The following GALNTL6 variants were observed in gnomAD, a reference collection of about 807,000 sequenced individuals.
The protein encoded by GALNTL6 is polypeptide N-acetylgalactosaminyltransferase like 6, also known as polypeptide N-acetylgalactosaminyltransferase-like 6.
A neutral mutation model predicts 73.7 loss-of-function variants in GALNTL6; 46 were observed. The ratio of observed to expected loss-of-function variants is 0.62; its 90% CI spans 0.49 to 0.80. GALNTL6 has a LOEUF of 0.80. Among genes scored for constraint, GALNTL6 ranks in the 30% least tolerant of loss-of-function variants. The probability of loss-of-function intolerance (pLI) is 0.00; values close to 1 mark genes in which losing one functional copy is unlikely to be tolerated. For synonymous variants in GALNTL6, 259 were observed against 263.7 expected, an observed-to-expected ratio of 0.98 and a Z score of 0.17; for missense variants, 604 against 755.0, an observed-to-expected ratio of 0.80 and a Z score of 2.34.
intron 5 of GALNTL6, among the ~76,000 whole-genome samples, chr4:172,370,750 T>C (rs1742776315): frequency 6.6e-6 from 1 of 152,032 alleles, no homozygotes. Flanking sequence ...AACAACACTC[T>C]TCCCCTAAGA....
In GALNTL6 at chr4:172,483,692, G is replaced by A. The variant is rs550916193; in HGVS notation, c.553+135003G>A. ...AAGTCTTGAGTGAAATGACGGCAGTGACTGAAAAGAGAAGGAAGGATGTAA... is the reference window on the plus strand; with the variant it reads ...AAGTCTTGAGTGAAATGACGGCAGTAACTGAAAAGAGAAGGAAGGATGTAA... On this transcript the variant is annotated intron_variant, in intron 5 of 12. Coordinates refer to ENST00000506823, the MANE Select transcript of GALNTL6 (RefSeq NM_001034845.3). Among the ~76,000 whole-genome samples, 4 of 152,242 alleles carry A rather than the reference G, an allele frequency of 2.6e-5. No individual in the cohort carries two copies. The East Asian group carries it at 7.7e-4, about 29-fold the overall frequency.
At chr4:172,909,535 T>C in intron 8 of GALNTL6, among the ~76,000 whole-genome samples, 1 of 152,074 alleles carries the variant, frequency 6.6e-6, no homozygotes, top group East Asian at 1.9e-4. Context: ...CCATTGAAAG[T>C]TATTGATTCT....
chr4:172,323,819 A>C (rs573888853), intron 4 of GALNTL6, among the ~76,000 whole-genome samples: 1 of 152,208 alleles, frequency 6.6e-6, no homozygotes, highest in South Asian at 2.1e-4. Flanking sequence ...ATGGAGTCTA[A>C]GTTGCTGGCA....
At chr4:172,504,175 A>AAAAAAAAAAAAAAAAC (rs1363544210) in intron 5 of GALNTL6, among the ~76,000 whole-genome samples, 11 of 39,310 alleles carry the variant, frequency 2.8e-4, no homozygotes, top group African/African-American at 8.5e-4. Context: ...AAAAAAAAAA[A>AAAAAAAAAAAAAAAAC]AAAACTCACA....
chr4:172,899,755 G>T (rs1406307682), intron 8 of GALNTL6, among the ~76,000 whole-genome samples: 3 of 152,200 alleles, frequency 2.0e-5, no homozygotes, highest in Non-Finnish European at 2.9e-5. Flanking sequence ...CCCAAGGTCT[G>T]CTGGTTGCCC....
At chr4:172,818,087 C>T (rs1227229583) in intron 7 of GALNTL6, among the ~76,000 whole-genome samples, 1 of 152,156 alleles carries the variant, frequency 6.6e-6, no homozygotes, top group Non-Finnish European at 1.5e-5. Context: ...TGTAAAAGTT[C>T]ACACTCGTTG....
chr4:172,764,138 A>C (rs971535108), intron 5 of GALNTL6, among the ~76,000 whole-genome samples: 3 of 151,422 alleles, frequency 2.0e-5, no homozygotes, highest in Non-Finnish European at 4.4e-5. Flanking sequence ...TTGTATTTTT[A>C]GTAGAGATGG....
chr4:172,833,361 T>G (rs913983008), intron 7 of GALNTL6, among the ~76,000 whole-genome samples: 17 of 152,116 alleles, frequency 1.1e-4, no homozygotes, highest in African/African-American at 3.9e-4. Context: ...CTGCTGTGAG[T>G]GGATGCCAAA....
In GALNTL6 at chr4:172,772,204, A is replaced by G. The variant is rs1047758593; in HGVS notation, c.554-37157A>G. On this transcript the variant is annotated intron_variant, in intron 5 of 12. Coordinates refer to ENST00000506823, the MANE Select transcript of GALNTL6 (RefSeq NM_001034845.3). ...CCTCCCATCGGGTCCCTCCCACAACATGTGGGAATTCAAAATGAGATTTGT... is the reference window on the plus strand; with the variant it reads ...CCTCCCATCGGGTCCCTCCCACAACGTGTGGGAATTCAAAATGAGATTTGT... Among the ~76,000 whole-genome samples, 2 of 152,178 alleles carry G rather than the reference A, an allele frequency of 1.3e-5. 1 individual carries two copies. The highest frequency in any genetic ancestry group is 2.9e-5 in the Non-Finnish European group (2 of 68,032).
chr4:172,376,973 C>T lies in GALNTL6; in HGVS notation c.553+28284C>T, dbSNP rs1743055692. Among the ~76,000 whole-genome samples, 4 of 152,058 alleles carry T rather than the reference C, an allele frequency of 2.6e-5. No individual in the cohort carries two copies. The South Asian group carries it at 8.3e-4, about 32-fold the overall frequency. ...GAGACCTTCGTGGTGAGTGTTACAGCTCATAAAGGCAGCGCAGACCAAAAG... is the reference window on the plus strand; with the variant it reads ...GAGACCTTCGTGGTGAGTGTTACAGTTCATAAAGGCAGCGCAGACCAAAAG... On this transcript the variant is annotated intron_variant, in intron 5 of 12. Coordinates refer to ENST00000506823, the MANE Select transcript of GALNTL6 (RefSeq NM_001034845.3).
intron 4 of GALNTL6, among the ~76,000 whole-genome samples, chr4:172,331,654 A>C (rs1397586193): frequency 6.6e-6 from 1 of 152,166 alleles, no homozygotes; most frequent in Non-Finnish European, 1.5e-5. Flanking sequence ...AGACTGGCTT[A>C]TTTAACTTGG....
chr4:172,916,639 C>T (rs544957024), intron 8 of GALNTL6, among the ~76,000 whole-genome samples: 67 of 152,224 alleles, frequency 4.4e-4, no homozygotes, highest in African/African-American at 1.6e-3. Context: ...AGTGAACTCC[C>T]ATTCACAATT....
At chr4:172,022,768 G>T (rs1741444791) in intron 2 of GALNTL6, among the ~76,000 whole-genome samples, 4 of 151,836 alleles carry the variant, frequency 2.6e-5, no homozygotes, top group Admixed American at 2.6e-4. Context: ...TCTAGTCACA[G>T]GCTGCTAAGC....
chr4:171,863,465 T>G (rs902931123), intron 2 of GALNTL6, among the ~76,000 whole-genome samples: 24 of 152,204 alleles, frequency 1.6e-4, no homozygotes, highest in African/African-American at 5.5e-4. Context: ...CTACCCTGTT[T>G]TCTTTAAAAT....
At chr4:172,529,285 G>A (rs553074809) in intron 5 of GALNTL6, among the ~76,000 whole-genome samples, 3 of 151,762 alleles carry the variant, frequency 2.0e-5, no homozygotes, top group African/African-American at 7.2e-5. Context: ...CATTTTACTG[G>A]TTTAATTTAG....
chr4:172,577,406 A>C lies in GALNTL6; in HGVS notation c.553+228717A>C, dbSNP rs76404446. Reference sequence around the variant, plus strand: ...TGTGTCCAGAGTACCAACCTGTTTTATACAAATTTATTTATATTTCCAGAA... The same window carrying C: ...TGTGTCCAGAGTACCAACCTGTTTTCTACAAATTTATTTATATTTCCAGAA... On this transcript the variant is annotated intron_variant, in intron 5 of 12. Coordinates refer to ENST00000506823, the MANE Select transcript of GALNTL6 (RefSeq NM_001034845.3). Among the ~76,000 whole-genome samples the C allele has an allele frequency of 3.5e-3, 529 of 152,276 alleles. 3 individuals are homozygous for C. The highest frequency in any genetic ancestry group is 0.012 in the African/African-American group (491 of 41,554).
chr4:172,947,585 T>G (rs959907551), intron 9 of GALNTL6, among the ~76,000 whole-genome samples: 1 of 149,510 alleles, frequency 6.7e-6, no homozygotes, highest in East Asian at 2.0e-4. Flanking sequence ...TTGATAAATT[T>G]TTTTTTTTTT....
chr4:172,578,850 C>T (rs1203488187), intron 5 of GALNTL6, among the ~76,000 whole-genome samples: 1 of 152,172 alleles, frequency 6.6e-6, no homozygotes, highest in Non-Finnish European at 1.5e-5. Context: ...TTCAAATCTG[C>T]ATAAGCGTAT....
chr4:171,923,148 A>G (rs1158404237), intron 2 of GALNTL6, among the ~76,000 whole-genome samples: 1 of 152,154 alleles, frequency 6.6e-6, no homozygotes, highest in Non-Finnish European at 1.5e-5. Flanking sequence ...ACCAAGTTCA[A>G]AATATTGATA....
Sources: gnomAD v4.1 joint callset for allele counts (sites outside exome capture counted in the v4.1 genomes callset) on GRCh38, gnomAD v4.1.1 for gene constraint, MANE v1.5 for transcripts, NCBI Gene and HGNC (gene_info 2026-07-23, HGNC 2026-07-21) for gene names.